STXBP5L: variants seen among roughly 807,000 people sequenced by gnomAD.
STXBP5L encodes the protein syntaxin binding protein 5L, also known as syntaxin-binding protein 5-like.
STXBP5L carries 65 observed loss-of-function variants against 144.5 expected under a neutral mutation model. The observed-to-expected ratio is 0.45, with a 90% confidence interval of 0.37 to 0.55. The LOEUF is 0.55. Ranked by LOEUF, STXBP5L falls within the 20% of genes least tolerant of loss-of-function variation. The pLI is 0.00. For synonymous variants in STXBP5L, 505 were observed against 469.6 expected, an observed-to-expected ratio of 1.08 and a Z score of -0.97; for missense variants, 1,298 against 1,405.5, an observed-to-expected ratio of 0.92 and a Z score of 1.22.
At chr3:121,336,916 A>G (rs1263725670) in intron 20 of STXBP5L, among the ~76,000 whole-genome samples, 1 of 152,250 alleles carries the variant, frequency 6.6e-6, no homozygotes, top group Non-Finnish European at 1.5e-5. Flanking sequence ...AATACCACAC[A>G]GCCATAAAAA....
intron 3 of STXBP5L, among the ~76,000 whole-genome samples, chr3:121,036,399 A>T (rs547505885): frequency 6.6e-6 from 1 of 152,022 alleles, no homozygotes; most frequent in Non-Finnish European, 1.5e-5. Flanking sequence ...TGGCTTTCTT[A>T]TGGTTTTCCT....
At chr3:121,303,032 G>A (rs1047170885) in intron 19 of STXBP5L, among the ~76,000 whole-genome samples, 5 of 152,118 alleles carry the variant, frequency 3.3e-5, no homozygotes, top group Non-Finnish European at 5.9e-5. Flanking sequence ...TTGATAAATG[G>A]GATCTAATTA....
intron 3 of STXBP5L, among the ~76,000 whole-genome samples, chr3:120,985,202 T>C (rs1436297282): frequency 6.6e-6 from 1 of 152,038 alleles, no homozygotes; most frequent in African/African-American, 2.4e-5. Context: ...ACTCCCTCAT[T>C]TTCAGTATTT....
intron 2 of STXBP5L, among the ~76,000 whole-genome samples, chr3:120,950,441 T>A (rs1335516199): frequency 6.6e-6 from 1 of 152,116 alleles, no homozygotes; most frequent in Non-Finnish European, 1.5e-5. Flanking sequence ...AGTTTTGAAA[T>A]AGAAAAATGT....
chr3:121,087,684 G>A (rs888108127), intron 5 of STXBP5L, among the ~76,000 whole-genome samples: 1 of 151,600 alleles, frequency 6.6e-6, no homozygotes, highest in Non-Finnish European at 1.5e-5. Context: ...ATATATTAGG[G>A]CTTAGGTTCT....
intron 20 of STXBP5L, among the ~76,000 whole-genome samples, chr3:121,347,981 C>T (rs2045077132): frequency 6.6e-6 from 1 of 152,318 alleles, no homozygotes; most frequent in Middle Eastern, 3.4e-3. Flanking sequence ...CTGGCCAGAA[C>T]TTCCAACACT....
intron 22 of STXBP5L, among the ~76,000 whole-genome samples, chr3:121,399,302 A>G (rs73183176): frequency 0.036 from 5,433 of 152,078 alleles, 144 homozygotes; most frequent in Middle Eastern, 0.082. Flanking sequence ...AGCTAGTTCC[A>G]TGTTCTCCAA....
intron 3 of STXBP5L, among the ~76,000 whole-genome samples, chr3:120,974,689 G>A (rs1940725956): frequency 6.6e-6 from 1 of 152,166 alleles, no homozygotes; most frequent in Non-Finnish European, 1.5e-5. Context: ...TGACGTTTAA[G>A]TCTTTAATCC....
chr3:121,403,589 G>C (rs527890018), intron 22 of STXBP5L, among the ~76,000 whole-genome samples: 1 of 152,206 alleles, frequency 6.6e-6, no homozygotes, highest in South Asian at 2.1e-4. Flanking sequence ...ATATAGTAGT[G>C]AATAAAACAG....
intron 5 of STXBP5L, among the ~76,000 whole-genome samples, chr3:121,075,182 G>A (rs1040631544): frequency 2.6e-5 from 4 of 152,128 alleles, no homozygotes; most frequent in African/African-American, 9.7e-5. Context: ...CTGGCCAGCC[G>A]TTTTGTCCTT....
chr3:121,258,030 A>G (rs557675593), intron 17 of STXBP5L, among the ~76,000 whole-genome samples: 1 of 152,326 alleles, frequency 6.6e-6, no homozygotes, highest in South Asian at 2.1e-4. Flanking sequence ...CAAGAGTTCT[A>G]TATTAGAAAA....
chr3:120,981,030 A>G (rs769820450), intron 3 of STXBP5L, among the ~76,000 whole-genome samples: 22 of 152,224 alleles, frequency 1.4e-4, no homozygotes, highest in Admixed American at 5.9e-4. Flanking sequence ...GAAAATAGGA[A>G]CCCAGCATCT....
At chr3:121,215,139 G>A (rs2048728910) in intron 10 of STXBP5L, among the ~76,000 whole-genome samples, 1 of 151,976 alleles carries the variant, frequency 6.6e-6, no homozygotes, top group South Asian at 2.1e-4. Flanking sequence ...ACACTGATGG[G>A]TCTTGACTCT....
intron 2 of STXBP5L, among the ~76,000 whole-genome samples, chr3:120,937,434 G>A (rs1710320827): frequency 6.6e-6 from 1 of 152,104 alleles, no homozygotes. Context: ...TAAACCTCCA[G>A]CAATTTGTCA....
intron 3 of STXBP5L, among the ~76,000 whole-genome samples, chr3:120,994,458 T>C (rs891912505): frequency 1.3e-5 from 2 of 152,102 alleles, no homozygotes; most frequent in African/African-American, 4.8e-5. Flanking sequence ...TTAAGGTATG[T>C]TTCTTCAATG....
At chr3:121,291,315 AT>A (rs1189423137) in intron 19 of STXBP5L, among the ~76,000 whole-genome samples, 5 of 152,268 alleles carry the variant, frequency 3.3e-5, no homozygotes, top group Non-Finnish European at 5.9e-5. Context: ...TGTAAAAAAA[AT>A]AAAATAAAAT....
At chr3:120,979,007 C>G (rs1296933363) in intron 3 of STXBP5L, among the ~76,000 whole-genome samples, 2 of 152,186 alleles carry the variant, frequency 1.3e-5, no homozygotes, top group Non-Finnish European at 2.9e-5. Context: ...CAGGGACCCA[C>G]TTGAGGAGGC....
chr3:121,122,978 G>A (rs547179974), intron 7 of STXBP5L, among the ~76,000 whole-genome samples: 8 of 151,314 alleles, frequency 5.3e-5, no homozygotes, highest in Admixed American at 4.0e-4. Flanking sequence ...AATATCTAAT[G>A]ACTAAATCAG....
intron 5 of STXBP5L, among the ~76,000 whole-genome samples, chr3:121,089,620 G>A (rs1416740359): frequency 6.6e-6 from 1 of 151,140 alleles, no homozygotes; most frequent in Non-Finnish European, 1.5e-5. Context: ...GTTTAGTTTT[G>A]CTCAGCTTCT....
Sources: gnomAD v4.1 joint callset for allele counts (sites outside exome capture counted in the v4.1 genomes callset) on GRCh38, gnomAD v4.1.1 for gene constraint, MANE v1.5 for transcripts, NCBI Gene and HGNC (gene_info 2026-07-23, HGNC 2026-07-21) for gene names.